BCR: variants seen among roughly 807,000 people sequenced by gnomAD.
BCR encodes the protein breakpoint cluster region protein.
A neutral mutation model predicts 138.6 loss-of-function variants in BCR; 58 were observed. The observed-to-expected ratio is 0.42, with a 90% CI of 0.34 to 0.52. The LOEUF (loss-of-function observed/expected upper bound fraction) is 0.52, where lower values mean the gene tolerates loss of function less well. BCR is among the 20% of genes least tolerant of loss of function. BCR has a pLI of 0.06. For synonymous variants in BCR, 786 were observed against 730.1 expected (o/e 1.08, Z -1.23); for missense variants, 1,599 against 1,727.2 (o/e 0.93, Z 1.32).
intron 1 of BCR, among the ~76,000 whole-genome samples, chr22:23,215,381 AGAGGG>A (rs2072740505): frequency 6.6e-6 from 1 of 152,092 alleles, no homozygotes; most frequent in African/African-American, 2.4e-5. Context: ...CATTAATGGG[AGAGGG>A]GAGAACCTTC....
Position 23,244,600 on chromosome 22 carries a change from C to T in BCR, c.1280-9199C>T, listed in dbSNP as rs920059879. ...CTGTGATGCCCACGTCACGTGACTC[C>T]ATGGATTCCGCTGGCTCCCATGGGC... is the stretch of plus-strand genomic sequence containing the variant. On this transcript the variant is annotated intron_variant, in intron 1 of 22. Coordinates refer to ENST00000305877, the MANE Select transcript of BCR (RefSeq NM_004327.4). Among the ~76,000 whole-genome samples the T allele has an allele frequency of 4.1e-4, 63 of 152,192 alleles. 1 individual carries two copies. Among genetic ancestry groups the T allele is most frequent in the Non-Finnish European group, 7.3e-5 (5 of 68,046 alleles).
chr22:23,280,647 C>T (rs2073633080), intron 8 of BCR, among the ~76,000 whole-genome samples: 1 of 152,242 alleles, frequency 6.6e-6, no homozygotes, highest in South Asian at 2.1e-4. Context: ...CCAGCATCAT[C>T]GTCACAGAGA....
intron 12 of BCR, among the ~76,000 whole-genome samples, chr22:23,288,686 C>T (rs2073746981): frequency 6.6e-6 from 1 of 152,240 alleles, no homozygotes; most frequent in African/African-American, 2.4e-5. Context: ...ACTGTGCTGG[C>T]CCCACTGCCC....
intron 1 of BCR, among the ~76,000 whole-genome samples, chr22:23,238,272 T>G (rs2146251757): frequency 6.6e-6 from 1 of 152,090 alleles, no homozygotes; most frequent in East Asian, 1.9e-4. Flanking sequence ...TCCAAATACT[T>G]GTTTAAGAAT....
At position 23,204,315 on chromosome 22, in the gene BCR, G is replaced by A. The variant is rs575943230; in HGVS notation, c.1279+22076G>A. 1.4e-4 allele frequency among the ~76,000 whole-genome samples: 21 copies of A among 152,256 alleles called. No individual in the cohort carries two copies. The East Asian group carries it at 2.9e-3, about 21-fold the overall frequency. On this transcript the variant is annotated intron_variant, in intron 1 of 22. Coordinates refer to ENST00000305877, the MANE Select transcript of BCR (RefSeq NM_004327.4). ...CGCCACTCTGACTCCAGTGAATCACGTAGACTCCTTGGGCCTCTGAATTCC... is the reference window on the plus strand; with the variant it reads ...CGCCACTCTGACTCCAGTGAATCACATAGACTCCTTGGGCCTCTGAATTCC...
chr22:23,185,731 TTG>T (rs2072333553), intron 1 of BCR, among the ~76,000 whole-genome samples: 2 of 147,720 alleles, frequency 1.4e-5, no homozygotes, highest in African/African-American at 5.1e-5. Context: ...GTTTTTTTTG[TTG>T]TTGTTGTTTT....
At chr22:23,277,810 G>A (rs757183364) in intron 8 of BCR, among the ~76,000 whole-genome samples, 16 of 152,194 alleles carry the variant, frequency 1.1e-4, no homozygotes, top group Non-Finnish European at 1.8e-4. Context: ...ATGGCTCCAG[G>A]GCTGTGCTCT....
chr22:23,195,711 A>G (rs1019228602), intron 1 of BCR, among the ~76,000 whole-genome samples: 1 of 151,762 alleles, frequency 6.6e-6, no homozygotes, highest in Non-Finnish European at 1.5e-5. Flanking sequence ...ACATGGTGAC[A>G]CTCCATCTCT....
intron 1 of BCR, among the ~76,000 whole-genome samples, chr22:23,250,093 C>T (rs1417304006): frequency 1.3e-5 from 2 of 152,198 alleles, no homozygotes; most frequent in East Asian, 1.9e-4. Flanking sequence ...CAGGTTTTAG[C>T]GTGGACGTTG....
chr22:23,208,973 G>A (rs1188134620), intron 1 of BCR, among the ~76,000 whole-genome samples: 2 of 152,202 alleles, frequency 1.3e-5, no homozygotes, highest in Non-Finnish European at 2.9e-5. Context: ...CTTCATATGA[G>A]TGGATTCATA....
chr22:23,305,992 C>T (rs1338306278), intron 16 of BCR, among the ~76,000 whole-genome samples: 3 of 152,326 alleles, frequency 2.0e-5, no homozygotes, highest in Admixed American at 6.5e-5. Context: ...GAGAGCGTAC[C>T]AGCCTTGAGC....
chr22:23,239,076 G>A (rs2073058715), intron 1 of BCR, among the ~76,000 whole-genome samples: 1 of 152,138 alleles, frequency 6.6e-6, no homozygotes, highest in Non-Finnish European at 1.5e-5. Context: ...GTCCTGCCCA[G>A]CTTGTCGCTT....
intron 10 of BCR, among the ~76,000 whole-genome samples, chr22:23,285,651 C>T (rs1333080089): frequency 1.3e-5 from 2 of 152,106 alleles, no homozygotes; most frequent in African/African-American, 2.4e-5. Context: ...CTGGCATCCC[C>T]GGGGAAAACT....
At chr22:23,218,689 G>T (rs1415327808) in intron 1 of BCR, among the ~76,000 whole-genome samples, 1 of 152,230 alleles carries the variant, frequency 6.6e-6, no homozygotes, top group Admixed American at 6.5e-5. Flanking sequence ...GACTGGACAG[G>T]CATGGACCTG....
rs1221546634 is a variant in BCR at position 23,263,160 on chromosome 22, G to A, written c.1752+1620G>A. 12 of 766,324 alleles carry A rather than the reference G, an allele frequency of 1.6e-5. No individual in the cohort carries two copies. In the African/African-American group the frequency reaches 2.1e-4, roughly 14 times the overall value. 47.5% of individuals were successfully genotyped at this position (766,324 alleles called of 1,614,324 possible). On this transcript the variant is annotated intron_variant, in intron 4 of 22. Transcript: ENST00000305877. ...CATGGCGGCGGCAGCCAGGGAGGAG[G>A]AGGAGGAGGCGGCTCGGGAGTCAGC...
rs746011123 is a variant in BCR, at chr22:23,273,665, C to G, written c.2006C>G (p.Pro669Arg). 30 of 1,613,962 alleles carry G rather than the reference C, an allele frequency of 1.9e-5. 1 individual carries two copies. The East Asian group carries it at 6.7e-4, about 36-fold the overall frequency. The change falls in exon 8 of 23, where the codon CCT (proline) becomes CGT (arginine). Residue 669 changes from proline (P) to arginine (R), a missense_variant. Pro to Arg is a moderately radical substitution (Grantham distance 103). This residue lies in a region of BCR where 590 missense variants were observed against 762.4 expected (regional missense o/e 0.77). Transcript: ENST00000305877. Reference protein sequence around the residue: ...DLLKHTPASHPDHPLLQDALR... With the variant: ...DLLKHTPASHRDHPLLQDALR... Reference sequence around the variant, plus strand: ...CTGAAGCACACTCCTGCCAGCCACCCTGACCACCCCTTGCTGCAGGACGCC... The same window carrying G: ...CTGAAGCACACTCCTGCCAGCCACCGTGACCACCCCTTGCTGCAGGACGCC...
chr22:23,191,448 T>C (rs1199282798), intron 1 of BCR, among the ~76,000 whole-genome samples: 1 of 134,830 alleles, frequency 7.4e-6, no homozygotes, highest in African/African-American at 2.8e-5. Flanking sequence ...GGCCTTGTCT[T>C]TAAAACAACA....
intron 11 of BCR, 21 bp downstream of exon 11, chr22:23,287,299 C>T: frequency 6.6e-7 from 1 of 1,520,184 alleles, no homozygotes; most frequent in South Asian, 1.3e-5. Flanking sequence ...GCTGTTCCGG[C>T]CCCTCCTGCT....
chr22:23,279,001 T>C (rs1213527943), intron 8 of BCR, among the ~76,000 whole-genome samples: 1 of 152,208 alleles, frequency 6.6e-6, no homozygotes, highest in Non-Finnish European at 1.5e-5. Context: ...TCCAGGAGCG[T>C]GGGCACGTTG....
Sources: gnomAD v4.1 joint callset for allele counts (sites outside exome capture counted in the v4.1 genomes callset) on GRCh38, gnomAD v4.1.1 for gene constraint, gnomAD v4.1.1 regional missense constraint, MANE v1.5 for transcripts, NCBI Gene and HGNC (gene_info 2026-07-23, HGNC 2026-07-21) for gene names.